Variants in GPAM observed in about 807,000 individuals in gnomAD.
GPAM encodes glycerol-3-phosphate acyltransferase 1, mitochondrial.
GPAM carries 56 observed loss-of-function variants against 105.0 expected under a neutral mutation model. The observed-to-expected ratio is 0.53, with a 90% confidence interval of 0.43 to 0.67. The LOEUF (loss-of-function observed/expected upper bound fraction) is 0.67, where lower values mean the gene tolerates loss of function less well. Ranked by LOEUF, GPAM falls within the 30% of genes least tolerant of loss-of-function variation. The pLI, the probability that GPAM is intolerant of heterozygous loss-of-function variation, is 0.00. For missense variants in GPAM, 855 were observed against 989.8 expected (o/e 0.86, Z 1.83); for synonymous variants, 368 against 354.4 (o/e 1.04, Z -0.43).
At chr10:112,227,209 C>T in the GPAM span, among the ~76,000 whole-genome samples, 10 of 152,336 alleles carry the variant, frequency 6.6e-5, no homozygotes, top group South Asian at 2.1e-3. Context: ...CATCTTCCTC[C>T]TTTACTTCCT....
chr10:112,166,253 G>T, intron 12 of GPAM, 149 bp downstream of exon 12: 1 of 661,538 alleles, frequency 1.5e-6, no homozygotes, highest in Non-Finnish European at 2.8e-6. Flanking sequence ...GAAAAATTTA[G>T]GCAACACCAC....
At chr10:112,155,816 C>CAAAA (rs5787948) in intron 20 of GPAM, 48 bp downstream of exon 20, 16 of 1,049,164 alleles carry the variant, frequency 1.5e-5, no homozygotes, top group African/African-American at 1.7e-5. Flanking sequence ...TTCTGAAATC[C>CAAAA]AAAAAAAAAA....
chr10:112,189,466 C>G (rs1033537989), intron 1 of GPAM, among the ~76,000 whole-genome samples: 2 of 152,136 alleles, frequency 1.3e-5, no homozygotes, highest in Admixed American at 1.3e-4. Context: ...TTCCAGAATT[C>G]ACTTCCCTAC....
chr10:112,218,235 G>A (rs1847990075), upstream of GPAM, among the ~76,000 whole-genome samples: 1 of 152,210 alleles, frequency 6.6e-6, no homozygotes, highest in Admixed American at 6.5e-5. Flanking sequence ...AGATGGGGTA[G>A]GACTGGCTGA....
intron 1 of GPAM, among the ~76,000 whole-genome samples, chr10:112,195,425 G>C (rs117001410): frequency 3.3e-5 from 5 of 152,122 alleles, no homozygotes; most frequent in African/African-American, 1.2e-4. Context: ...ACTTCCCCAC[G>C]AAAGCCAGGC....
chr10:112,174,101 G>GGTGACACCTAT (rs56317768), intron 6 of GPAM, among the ~76,000 whole-genome samples: 1 of 151,412 alleles, frequency 6.6e-6, no homozygotes, highest in Non-Finnish European at 1.5e-5. Flanking sequence ...AAATTTACTG[G>GGTGACACCTAT]GTGAATTTGA....
chr10:112,220,516 T>C, the GPAM span, among the ~76,000 whole-genome samples: 5 of 152,118 alleles, frequency 3.3e-5, no homozygotes, highest in African/African-American at 1.2e-4. Context: ...CTATATGTGT[T>C]TTGTTGCCTT....
At chr10:112,177,793 A>G (rs113122313) in intron 5 of GPAM, among the ~76,000 whole-genome samples, 191 bp downstream of exon 5, 4 of 152,332 alleles carry the variant, frequency 2.6e-5, no homozygotes, top group African/African-American at 9.6e-5. Context: ...CTGTAAGTAC[A>G]CAAGTGGTAA....
intron 21 of GPAM, chr10:112,154,378 A>G: frequency 1.8e-6 from 1 of 559,968 alleles, no homozygotes; most frequent in South Asian, 2.1e-5. Flanking sequence ...CCAGTTATAT[A>G]TAGCAGCTTG....
chr10:112,179,437 T>C (rs1335975473), intron 4 of GPAM, among the ~76,000 whole-genome samples: 2 of 152,258 alleles, frequency 1.3e-5, no homozygotes, highest in Non-Finnish European at 2.9e-5. Flanking sequence ...GAACTAGCTT[T>C]ACTCCTAGGC....
intron 14 of GPAM, among the ~76,000 whole-genome samples, chr10:112,162,687 T>A (rs1847143578): frequency 6.6e-6 from 1 of 152,160 alleles, no homozygotes; most frequent in African/African-American, 2.4e-5. Context: ...AAAGAATTTT[T>A]AAATATGAAT....
chr10:112,211,986 G>A (rs186845096), intron 1 of GPAM, among the ~76,000 whole-genome samples: 5 of 152,266 alleles, frequency 3.3e-5, no homozygotes, highest in Admixed American at 1.3e-4. Flanking sequence ...ACCATTCCCT[G>A]AGAGAAGAGA....
In GPAM at chr10:112,154,647, T is replaced by C. The variant is rs1184174779; in HGVS notation, c.2352A>G (p.Lys784=). 3 of 1,608,364 alleles carry C rather than the reference T, an allele frequency of 1.9e-6. No individual in the cohort carries two copies. Among genetic ancestry groups the C allele is most frequent in the Non-Finnish European group, 2.6e-6 (3 of 1,174,922 alleles). ...CACCTACCCCAATATCCTTAAACAT[T>C]TTCACAGCATTCTTCACAAGACAAT... The part of the protein sequence containing the change: ...ATYCLVKNAV[K]MFKDIGVFKE... The change falls in exon 21 of 22, where the codon AAA becomes AAG. Residue 784 remains lysine, a synonymous_variant. Transcript: ENST00000348367.
chr10:112,180,512 A>T lies in GPAM; in HGVS notation c.186T>A (p.Phe62Leu). ...TGCAGGAGTAACAACATCTTCCAAC[A>T]AATGGCCTTTTCCGACTCATTAGGC... Reference protein sequence around the residue: ...KESLMSRKRPFVGRCCYSCTP... With the variant: ...KESLMSRKRPLVGRCCYSCTP... Residue 62 changes from phenylalanine to leucine, a missense_variant, in exon 4 of 22, where the codon TTT (phenylalanine) becomes TTA (leucine). Coordinates refer to ENST00000348367, the MANE Select transcript of GPAM (RefSeq NM_001244949.2). 1 of 1,613,796 alleles carries T rather than the reference A, an allele frequency of 6.2e-7. No homozygotes were observed. Among genetic ancestry groups the T allele is most frequent in the Non-Finnish European group, 8.5e-7 (1 of 1,179,680 alleles).
upstream of GPAM, among the ~76,000 whole-genome samples, chr10:112,187,931 T>A (rs1415105907): frequency 6.6e-6 from 1 of 152,166 alleles, no homozygotes; most frequent in African/African-American, 2.4e-5. Flanking sequence ...GAAACTCACA[T>A]ACTTTTAAAA....
intron 9 of GPAM, among the ~76,000 whole-genome samples, chr10:112,171,932 CA>C (rs1457043478): frequency 6.6e-6 from 1 of 151,900 alleles, no homozygotes; most frequent in Non-Finnish European, 1.5e-5. Flanking sequence ...ATTTGATAAA[CA>C]ATGCCCATAA....
chr10:112,197,319 C>T (rs1303138776), intron 1 of GPAM, among the ~76,000 whole-genome samples: 1 of 151,870 alleles, frequency 6.6e-6, no homozygotes, highest in Non-Finnish European at 1.5e-5. Flanking sequence ...CTAATAGTTA[C>T]AAAAATAAAA....
chr10:112,175,625 T>C lies in GPAM; in HGVS notation c.388A>G (p.Thr130Ala). 1 of 1,608,186 alleles carries C rather than the reference T, an allele frequency of 6.2e-7. No homozygotes were observed. The highest frequency in any genetic ancestry group is 1.3e-5 in the African/African-American group (1 of 74,920). ...VHKGMFATNV[T>A]ENVLNSSRVQ... ...CTACTGCTGTTCAGCACATTTTCAGTCACATTGGTGGCAAACATGCCCTTA... is the reference window on the plus strand; with the variant it reads ...CTACTGCTGTTCAGCACATTTTCAGCCACATTGGTGGCAAACATGCCCTTA... Residue 130 changes from threonine (T) to alanine (A), a missense_variant, in exon 6 of 22, where the codon ACT (threonine) becomes GCT (alanine). By Grantham distance (58) the Thr-to-Ala change is moderately conservative. Transcript: ENST00000348367.
chr10:112,160,941 A>C (rs1847113281), intron 15 of GPAM, 73 bp from the exon 16 acceptor site: 1 of 1,348,670 alleles, frequency 7.4e-7, no homozygotes, highest in Admixed American at 1.7e-5. Context: ...CCAACATTCC[A>C]AGACTTTCTT....
Sources: gnomAD v4.1 joint callset for allele counts (sites outside exome capture counted in the v4.1 genomes callset) on GRCh38, gnomAD v4.1.1 for gene constraint, MANE v1.5 for transcripts, NCBI Gene and HGNC (gene_info 2026-07-23, HGNC 2026-07-21) for gene names.